The following SAMMSON variants were observed in gnomAD, a reference collection of about 807,000 sequenced individuals.
The protein encoded by SAMMSON is survival associated mitochondrial melanoma specific oncogenic non-coding RNA, also known as long intergenic non-protein coding RNA 1212.
intron 4 of SAMMSON, among the ~76,000 whole-genome samples, chr3:70,192,624 C>G (rs1470960204): frequency 6.6e-6 from 1 of 152,194 alleles, no homozygotes; most frequent in Non-Finnish European, 1.5e-5. Context: ...TCTGTTGACT[C>G]CTTCTCAAAA....
intron 4 of SAMMSON, among the ~76,000 whole-genome samples, chr3:70,166,574 G>A (rs1340506147): frequency 2.6e-5 from 4 of 151,958 alleles, no homozygotes; most frequent in Non-Finnish European, 5.9e-5. Context: ...AGAAGCCACT[G>A]ACCTTCAGGC....
At chr3:70,185,276 A>G (rs1701083733) in intron 4 of SAMMSON, among the ~76,000 whole-genome samples, 1 of 152,200 alleles carries the variant, frequency 6.6e-6, no homozygotes, top group African/African-American at 2.4e-5. Context: ...TCCATGGCAT[A>G]TATCTTATCC....
At chr3:70,287,906 C>A (rs992062079) in intron 6 of SAMMSON, among the ~76,000 whole-genome samples, 12 of 152,098 alleles carry the variant, frequency 7.9e-5, no homozygotes, top group African/African-American at 2.9e-4. Context: ...GTGGTGACAT[C>A]CCCTTTATCA....
chr3:70,264,796 A>T (rs1039940872), intron 6 of SAMMSON, among the ~76,000 whole-genome samples: 6 of 152,316 alleles, frequency 3.9e-5, no homozygotes, highest in Non-Finnish European at 8.8e-5. Context: ...GAGCTATGGA[A>T]ACTCTTGGGT....
chr3:70,125,498 G>A, intron 4 of SAMMSON: 6 of 728,932 alleles, frequency 8.2e-6, no homozygotes, highest in Middle Eastern at 3.3e-4. Flanking sequence ...AATCTCTTCT[G>A]TGATGTTCAA....
chr3:70,200,145 C>G (rs1252718176), intron 4 of SAMMSON, among the ~76,000 whole-genome samples: 14 of 152,214 alleles, frequency 9.2e-5, no homozygotes, highest in Admixed American at 9.2e-4. Context: ...TGCTCACCAC[C>G]TGCAGGGCCA....
At chr3:70,223,486 C>A (rs1175596292) in intron 4 of SAMMSON, among the ~76,000 whole-genome samples, 1 of 152,070 alleles carries the variant, frequency 6.6e-6, no homozygotes, top group African/African-American at 2.4e-5. Flanking sequence ...CCTTCCTGAG[C>A]AAAAGTTACT....
At chr3:70,296,978 T>G (rs1702295358) in intron 7 of SAMMSON, among the ~76,000 whole-genome samples, 1 of 151,956 alleles carries the variant, frequency 6.6e-6, no homozygotes, top group Non-Finnish European at 1.5e-5. Context: ...TGATCTAATA[T>G]CCCCATGCTC....
At chr3:70,388,869 G>A (rs1238197101) in intron 9 of SAMMSON, among the ~76,000 whole-genome samples, 1 of 152,080 alleles carries the variant, frequency 6.6e-6, no homozygotes, top group African/African-American at 2.4e-5. Context: ...GTTGAAATTT[G>A]ATCCCTAATG....
At chr3:70,066,891 C>T (rs751213174) in intron 3 of SAMMSON, among the ~76,000 whole-genome samples, 10 of 151,962 alleles carry the variant, frequency 6.6e-5, no homozygotes, top group Non-Finnish European at 1.3e-4. Context: ...GTCCATCTGC[C>T]GAATGTTAAA....
At chr3:70,232,964 A>T (rs1208912182) in intron 4 of SAMMSON, among the ~76,000 whole-genome samples, 1 of 152,166 alleles carries the variant, frequency 6.6e-6, no homozygotes, top group Non-Finnish European at 1.5e-5. Flanking sequence ...CAAGGGAGGC[A>T]GATCGCTTGA....
intron 4 of SAMMSON, among the ~76,000 whole-genome samples, chr3:70,073,658 C>G (rs186708555): frequency 6.6e-6 from 1 of 151,750 alleles, no homozygotes; most frequent in East Asian, 1.9e-4. Flanking sequence ...TCCCCTTTCC[C>G]TCTCTCTTTG....
At chr3:70,395,348 T>TTTTTTTTTTTG (rs545231969) in intron 2 of SAMMSON, among the ~76,000 whole-genome samples, 1 of 149,738 alleles carries the variant, frequency 6.7e-6, no homozygotes, top group African/African-American at 2.5e-5. Flanking sequence ...TTTTTTTTTT[T>TTTTTTTTTTTG]TGTGTTGTTG....
chr3:70,157,838 T>A (rs1301485532), intron 4 of SAMMSON, among the ~76,000 whole-genome samples: 1 of 152,056 alleles, frequency 6.6e-6, no homozygotes, highest in African/African-American at 2.4e-5. Context: ...ATATTATAAA[T>A]CTCAGAGAGG....
At chr3:70,280,167 C>T (rs567621898) in intron 6 of SAMMSON, among the ~76,000 whole-genome samples, 28 of 152,060 alleles carry the variant, frequency 1.8e-4, no homozygotes, top group Non-Finnish European at 4.0e-4. Context: ...TGCTGCACTC[C>T]AATCTCTGTC....
intron 9 of SAMMSON, among the ~76,000 whole-genome samples, chr3:70,386,186 A>G (rs781526079): frequency 4.6e-5 from 7 of 152,122 alleles, no homozygotes; most frequent in Non-Finnish European, 7.4e-5. Flanking sequence ...CAACAAATTT[A>G]ATCCAAGCCA....
In SAMMSON at chr3:70,294,827, A is replaced by G. The variant is rs139145568; in HGVS notation, n.739+3584A>G. ...GCTTCTCTTATAAGATGGTTTCCCA[A>G]GTTTCAAGCATCACGTAGCAATTTG... On this transcript the variant is annotated intron_variant and non_coding_transcript_variant, in intron 7 of 9. Coordinates refer to ENST00000642114, the Ensembl canonical transcript of SAMMSON. Among the ~76,000 whole-genome samples, 428 of 152,234 alleles carry G rather than the reference A, an allele frequency of 2.8e-3. 3 individuals carry two copies. The highest frequency in any genetic ancestry group is 9.4e-3 in the African/African-American group (391 of 41,540).
intron 4 of SAMMSON, among the ~76,000 whole-genome samples, chr3:70,098,679 C>G (rs906121860): frequency 6.6e-6 from 1 of 151,970 alleles, no homozygotes; most frequent in Non-Finnish European, 1.5e-5. Flanking sequence ...TTTTTCATTT[C>G]TAAAATTTTA....
chr3:70,291,907 C>T (rs146531440), intron 7 of SAMMSON: 1 of 152,300 alleles, frequency 6.6e-6, no homozygotes, highest in African/African-American at 2.4e-5. Context: ...TCTTATCTTT[C>T]GCCTCTTACT....
Sources: gnomAD v4.1 joint callset for allele counts (sites outside exome capture counted in the v4.1 genomes callset) on GRCh38, gnomAD v4.1.1 for gene constraint, MANE v1.5 for transcripts, NCBI Gene and HGNC (gene_info 2026-07-23, HGNC 2026-07-21) for gene names.